Variants in CCDC60 observed in about 807,000 individuals in gnomAD.
CCDC60 encodes coiled-coil domain containing 60.
Under a neutral mutation model 63.5 loss-of-function variants are expected in CCDC60, and 54 were observed. The ratio of observed to expected loss-of-function variants is 0.85; its 90% confidence interval spans 0.68 to 1.07. The LOEUF (loss-of-function observed/expected upper bound fraction) is 1.07, where lower values mean the gene tolerates loss of function less well. CCDC60 is among the 50% of genes least tolerant of loss of function. The pLI is 0.00. For synonymous variants in CCDC60, 206 were observed against 238.8 expected (o/e 0.86, Z 1.27); for missense variants, 651 against 684.3 (o/e 0.95, Z 0.54).
intron 1 of CCDC60, 31 bp downstream of exon 1, chr12:119,335,297 GT>G: frequency 6.0e-6 from 9 of 1,506,736 alleles, no homozygotes; most frequent in Non-Finnish European, 8.1e-6. Flanking sequence ...AACCAATCAT[GT>G]TTTCGAGAAC....
At chr12:119,405,575 T>C (rs903564340) in intron 1 of CCDC60, among the ~76,000 whole-genome samples, 1 of 152,144 alleles carries the variant, frequency 6.6e-6, no homozygotes, top group African/African-American at 2.4e-5. Flanking sequence ...AAAACAAATA[T>C]CATCAAAAAT....
intron 11 of CCDC60, among the ~76,000 whole-genome samples, chr12:119,526,812 G>A (rs1042898298): frequency 2.0e-5 from 3 of 152,190 alleles, no homozygotes; most frequent in African/African-American, 4.8e-5. Context: ...CACTGTTGGT[G>A]GGAGTGTAAA....
intron 2 of CCDC60, among the ~76,000 whole-genome samples, chr12:119,434,690 G>A (rs1163414087): frequency 6.6e-6 from 1 of 152,116 alleles, no homozygotes; most frequent in Non-Finnish European, 1.5e-5. Context: ...GGTGAAAGGT[G>A]GTGTATTTCA....
At chr12:119,377,956 A>G (rs975903876) in intron 1 of CCDC60, among the ~76,000 whole-genome samples, 18 of 152,330 alleles carry the variant, frequency 1.2e-4, no homozygotes, top group Non-Finnish European at 1.5e-4. Context: ...TAGGCGAAAG[A>G]AAGAGAAAAG....
chr12:119,485,742 G>A (rs765431280), intron 4 of CCDC60, among the ~76,000 whole-genome samples: 9 of 152,128 alleles, frequency 5.9e-5, no homozygotes, highest in Admixed American at 4.6e-4. Flanking sequence ...ACAGTCACAC[G>A]CTGAGGTACA....
intron 1 of CCDC60, among the ~76,000 whole-genome samples, chr12:119,360,447 T>G (rs1592989981): frequency 6.9e-6 from 1 of 144,082 alleles, no homozygotes; most frequent in Non-Finnish European, 1.5e-5. Flanking sequence ...CGCTCCTCAC[T>G]TCCCAGACGG....
chr12:119,422,750 G>A (rs1262424905), intron 1 of CCDC60, among the ~76,000 whole-genome samples: 1 of 152,212 alleles, frequency 6.6e-6, no homozygotes, highest in Non-Finnish European at 1.5e-5. Context: ...AACCGTATCA[G>A]ATGGTGATGG....
Position 119,479,217 on chromosome 12 carries a change from T to G in CCDC60, c.449+16T>G, listed in dbSNP as rs1951246406. On this transcript the variant is annotated intron_variant, in intron 4 of 13. Coordinates refer to ENST00000327554, the MANE Select transcript of CCDC60 (RefSeq NM_178499.5). Reference sequence around the variant, plus strand: ...AGGCTCACGTGTAAGTAGTCTCACCTCCAGCTCATTTGCTTTGCTAGCTTA... The same window carrying G: ...AGGCTCACGTGTAAGTAGTCTCACCGCCAGCTCATTTGCTTTGCTAGCTTA... 1 of 1,567,894 alleles carries G rather than the reference T, an allele frequency of 6.4e-7. No homozygotes were observed. Among genetic ancestry groups the G allele is most frequent in the African/African-American group, 1.4e-5 (1 of 73,970 alleles).
At chr12:119,365,033 T>C (rs1015070293) in intron 1 of CCDC60, among the ~76,000 whole-genome samples, 7 of 152,218 alleles carry the variant, frequency 4.6e-5, no homozygotes, top group Non-Finnish European at 8.8e-5. Flanking sequence ...GATGTTGTGA[T>C]AGACACTTCT....
At chr12:119,487,691 G>C (rs1951486707) in intron 4 of CCDC60, among the ~76,000 whole-genome samples, 1 of 152,140 alleles carries the variant, frequency 6.6e-6, no homozygotes, top group Non-Finnish European at 1.5e-5. Context: ...CTGAGCCTCA[G>C]TTTCCCCTTC....
At chr12:119,412,556 T>C (rs1336798013) in intron 1 of CCDC60, among the ~76,000 whole-genome samples, 1 of 152,180 alleles carries the variant, frequency 6.6e-6, no homozygotes, top group Non-Finnish European at 1.5e-5. Flanking sequence ...TAAACTGTGG[T>C]GTAATATGCA....
At chr12:119,369,398 T>C (rs1400476063) in intron 1 of CCDC60, among the ~76,000 whole-genome samples, 1 of 152,130 alleles carries the variant, frequency 6.6e-6, no homozygotes, top group Non-Finnish European at 1.5e-5. Context: ...CTTTCTAGTT[T>C]TATTGGGTTA....
intron 8 of CCDC60, among the ~76,000 whole-genome samples, chr12:119,519,184 T>A (rs1593206035): frequency 6.6e-6 from 1 of 152,096 alleles, no homozygotes; most frequent in Admixed American, 6.6e-5. Context: ...GACATCGAAC[T>A]GAGGGGCCTG....
At chr12:119,373,624 A>C (rs1222889343) in intron 1 of CCDC60, among the ~76,000 whole-genome samples, 3 of 124,134 alleles carry the variant, frequency 2.4e-5, no homozygotes, top group Admixed American at 2.0e-4. Context: ...GCCACCAAAA[A>C]TCTGTGCAAA....
rs57279338 is a variant in CCDC60 at position 119,445,491 on chromosome 12, T to TA, written c.170+16745dup. On this transcript the variant is annotated intron_variant, in intron 2 of 13. Transcript: ENST00000327554. Reference sequence around the variant, plus strand: ...TGAGAAGCATTTTTCTGCCCTGAGCTAAAAAAAAAAAAAAAATGCAGGACA... The same window carrying TA: ...TGAGAAGCATTTTTCTGCCCTGAGCTAAAAAAAAAAAAAAAAATGCAGGACA... Among the ~76,000 whole-genome samples the TA allele has an allele frequency of 6.2e-3, 729 of 117,858 alleles. 3 individuals carry two copies. Among genetic ancestry groups the TA allele is most frequent in the African/African-American group, 0.019 (592 of 31,026 alleles). 77.3% of individuals were successfully genotyped at this position (117,858 alleles called of 152,430 possible). A position where few individuals can be genotyped will look rare whatever the true frequency, so the allele number is the denominator to read the frequency against.
chr12:119,536,014 G>T (rs1173157392), intron 13 of CCDC60, among the ~76,000 whole-genome samples: 2 of 152,144 alleles, frequency 1.3e-5, no homozygotes, highest in South Asian at 2.1e-4. Context: ...TGACAGTGGG[G>T]TGTTAAAGTC....
At chr12:119,518,124 A>G (rs1020953089) in intron 8 of CCDC60, among the ~76,000 whole-genome samples, 2 of 152,022 alleles carry the variant, frequency 1.3e-5, no homozygotes, top group African/African-American at 4.8e-5. Flanking sequence ...CTCAACTCTC[A>G]TTGGGGCTGC....
At chr12:119,527,547 A>G (rs941311676) in intron 11 of CCDC60, among the ~76,000 whole-genome samples, 1 of 152,072 alleles carries the variant, frequency 6.6e-6, no homozygotes, top group African/African-American at 2.4e-5. Flanking sequence ...GCTGGGGCAT[A>G]CAGTGTTTGC....
chr12:119,468,475 G>A (rs1950995796), intron 2 of CCDC60, among the ~76,000 whole-genome samples: 1 of 152,138 alleles, frequency 6.6e-6, no homozygotes, highest in Admixed American at 6.5e-5. Flanking sequence ...ATCCTTGCCT[G>A]CAACTGACTG....
Sources: allele counts gnomAD v4.1 joint callset (sites outside exome capture counted in the v4.1 genomes callset), GRCh38; gene constraint gnomAD v4.1.1; transcripts MANE v1.5; gene names NCBI Gene and HGNC (gene_info 2026-07-23, HGNC 2026-07-21).